Variants in GATM observed in about 807,000 individuals in gnomAD.
GATM encodes the protein glycine amidinotransferase, also known as glycine amidinotransferase, mitochondrial.
GATM carries 23 observed loss-of-function variants against 54.2 expected under a neutral mutation model. That is an observed-to-expected ratio of 0.42 (90% confidence interval 0.31 to 0.60). GATM has a LOEUF of 0.60. GATM is among the 20% of genes least tolerant of loss of function. The probability of loss-of-function intolerance (pLI) is 0.14; values close to 1 mark genes in which losing one functional copy is unlikely to be tolerated. For synonymous variants in GATM, 168 were observed against 183.1 expected, an observed-to-expected ratio of 0.92 and a Z score of 0.67; for missense variants, 401 against 544.9, an observed-to-expected ratio of 0.74 and a Z score of 2.63.
chr15:45,384,275 G>A (rs1889779482), intron 3 of GATM, among the ~76,000 whole-genome samples: 2 of 152,148 alleles, frequency 1.3e-5, no homozygotes, highest in African/African-American at 4.8e-5. Context: ...GTTTTTTCTG[G>A]GAGTTATTTA....
Position 45,376,634 on chromosome 15 carries a change from G to A in GATM, c.255C>T (p.Asn85=), listed in dbSNP as rs1057522666. 5.6e-6 allele frequency: 9 copies of A among 1,614,066 alleles called. No homozygotes were observed. The highest frequency in any genetic ancestry group is 2.2e-5 in the East Asian group (1 of 44,894). Residue 85 remains asparagine, a synonymous_variant, in exon 2 of 9, where the codon AAC becomes AAT. Transcript: ENST00000396659. ...LEEVIVGRAE[N]ACVPPFTIEV... ...CGATGGTGAACGGTGGAACACAGGC[G>A]TTTTCTGCTCTGCCCACTATCACTT...
At chr15:45,376,907 G>C (rs1889647378) in intron 1 of GATM, 88 bp from the exon 2 acceptor site, 1 of 1,206,414 alleles carries the variant, frequency 8.3e-7, no homozygotes, top group South Asian at 1.3e-5. Context: ...TAAAAATCCA[G>C]CATAACATTG....
chr15:45,402,210 A>C (rs1800383951), exon 1 of GATM: 1 of 614,990 alleles, frequency 1.6e-6, no homozygotes, highest in Non-Finnish European at 2.6e-6. Flanking sequence ...GGGTTAGGCA[A>C]CTCGATTTCA....
At chr15:45,375,106 T>C (rs994321148) in intron 2 of GATM, among the ~76,000 whole-genome samples, 24 of 152,312 alleles carry the variant, frequency 1.6e-4, no homozygotes, top group African/African-American at 5.8e-4. Flanking sequence ...AGTCTCACTC[T>C]GTTGCTCAGG....
upstream of GATM, among the ~76,000 whole-genome samples, chr15:45,382,728 G>C (rs561021882): frequency 2.2e-4 from 34 of 152,204 alleles, no homozygotes; most frequent in South Asian, 6.8e-3. Context: ...AGGAGGTGGA[G>C]GTTGCCCTGA....
intron 2 of GATM, among the ~76,000 whole-genome samples, chr15:45,370,395 G>A (rs1164078213): frequency 7.8e-6 from 1 of 129,022 alleles, no homozygotes; most frequent in Non-Finnish European, 1.6e-5. Flanking sequence ...AAAAGAAAAA[G>A]AAAAAGAAAA....
intron 7 of GATM, chr15:45,364,276 G>A (rs2140639078): frequency 1.5e-5 from 7 of 452,708 alleles, no homozygotes; most frequent in South Asian, 1.4e-4. Context: ...ACTTTGGGAG[G>A]CTGAGGCAGG....
intron 7 of GATM, 131 bp downstream of exon 7, chr15:45,364,666 G>T: frequency 1.2e-6 from 1 of 803,344 alleles, no homozygotes; most frequent in Non-Finnish European, 2.1e-6. Flanking sequence ...ACAGTCCCAA[G>T]CACCACTTCA....
intron 2 of GATM, among the ~76,000 whole-genome samples, chr15:45,371,907 G>T (rs773914704): frequency 1.3e-5 from 2 of 152,078 alleles, no homozygotes; most frequent in African/African-American, 4.8e-5. Flanking sequence ...TTTGTGTCTC[G>T]ACTTCCATTT....
intron 2 of GATM, among the ~76,000 whole-genome samples, chr15:45,372,967 T>C (rs1889566846): frequency 6.6e-6 from 1 of 152,244 alleles, no homozygotes; most frequent in African/African-American, 2.4e-5. Context: ...CTTTTAATAA[T>C]CTGTTGCAAA....
upstream of GATM, chr15:45,379,181 T>C (rs921673112): frequency 1.3e-5 from 2 of 152,206 alleles, no homozygotes; most frequent in African/African-American, 4.8e-5. Flanking sequence ...GGGTCAGAAA[T>C]AAGGGAGGAC....
At chr15:45,363,708 A>C (rs1219931468) in intron 8 of GATM, 192 bp downstream of exon 8, 2 of 612,128 alleles carry the variant, frequency 3.3e-6, no homozygotes. Context: ...CTCAGGATGC[A>C]TCTCCAACTT....
At chr15:45,393,378 C>T (rs1889891986) in intron 3 of GATM, among the ~76,000 whole-genome samples, 1 of 151,690 alleles carries the variant, frequency 6.6e-6, no homozygotes, top group Non-Finnish European at 1.5e-5. Context: ...CTTGGGAAAG[C>T]TACTTAACAT....
chr15:45,378,590 C>G, upstream of GATM: 1 of 596,824 alleles, frequency 1.7e-6, no homozygotes, highest in East Asian at 3.7e-5. Context: ...GCGCTCCGCC[C>G]CGGCCGCCCC....
At chr15:45,398,473 T>A (rs1346690527) in intron 2 of GATM, among the ~76,000 whole-genome samples, 1 of 152,186 alleles carries the variant, frequency 6.6e-6, no homozygotes, top group Non-Finnish European at 1.5e-5. Context: ...TTATTCTATA[T>A]CTAGAATTAC....
In GATM at chr15:45,368,312, C is replaced by CA. The variant is rs754755029; in HGVS notation, c.485-53dup. ...ACTTCAGTAGTGTTAATTTCCAAGA[C>CA]AAAAAAGGTCTATATAGGGCCAGGC... is the stretch of plus-strand genomic sequence containing the variant. On this transcript the variant is annotated intron_variant, in intron 3 of 8. Transcript: ENST00000396659. The surrounding 1 kb of genome is among the most constrained non-coding windows in gnomAD (Gnocchi z 5.1). 1.5e-4 allele frequency: 236 copies of CA among 1,546,282 alleles called. 1 individual carries two copies. The highest frequency in any genetic ancestry group is 1.2e-4 in the Admixed American group (7 of 58,448).
Position 45,363,997 on chromosome 15 carries a change from T to C in GATM, c.1062A>G (p.Ser354=), listed in dbSNP as rs1889407041. 1 of 1,609,418 alleles carries C rather than the reference T, an allele frequency of 6.2e-7. No homozygotes were observed. The highest frequency in any genetic ancestry group is 1.3e-5 in the African/African-American group (1 of 74,858). The change falls in exon 8 of 9, where the codon TCA becomes TCG. Residue 354 remains serine (S), a synonymous_variant. Transcript: ENST00000396659. ...IIPDDHPLWM[S]SKWLSMNVLM... ...AGACATTCATGGAAAGCCATTTGGA[T>C]GACATCCAGAGTGGATGATCTAAAA...
rs1889366296 is a variant in GATM, at chr15:45,361,649, A to G, written c.*460T>C. On this transcript the variant is annotated 3_prime_UTR_variant, in exon 9 of 9. Coordinates refer to ENST00000396659, the MANE Select transcript of GATM (RefSeq NM_001482.3). ...CTAAGTCTTTCTCTCCTTTAGAAAA[A>G]AAGAGATAATCTGATTCTATTTTGG... 6.5e-6 allele frequency: 2 copies of G among 309,368 alleles called. No homozygotes were observed. Among genetic ancestry groups the G allele is most frequent in the East Asian group, 1.1e-4 (2 of 19,012 alleles). 19.2% of individuals were successfully genotyped at this position (309,368 alleles called of 1,614,324 possible).
At chr15:45,378,633 T>C (rs2140661740), upstream of GATM, 1 of 476,290 alleles carries the variant, frequency 2.1e-6, no homozygotes, top group East Asian at 3.9e-5. Context: ...GAACAGGTGG[T>C]GGGGCCGGCG....
Sources: allele counts gnomAD v4.1 joint callset (sites outside exome capture counted in the v4.1 genomes callset), GRCh38; gene constraint gnomAD v4.1.1; non-coding constraint Gnocchi (gnomAD v3.1); transcripts MANE v1.5; gene names NCBI Gene and HGNC (gene_info 2026-07-23, HGNC 2026-07-21).